Variants in DPP6 observed in about 807,000 individuals in gnomAD.
DPP6 encodes the protein A-type potassium channel modulatory protein DPP6.
A neutral mutation model predicts 122.6 loss-of-function variants in DPP6; 69 were observed. The observed-to-expected ratio is 0.56, with a 90% CI of 0.46 to 0.69. The LOEUF (loss-of-function observed/expected upper bound fraction) is 0.69. Ranked by LOEUF, DPP6 falls within the 30% of genes least tolerant of loss-of-function variation. The pLI, the probability that DPP6 is intolerant of heterozygous loss-of-function variation, is 0.00. For missense variants in DPP6, 928 were observed against 1,116.9 expected (o/e 0.83, Z 2.41); for synonymous variants, 418 against 433.1 (o/e 0.97, Z 0.43).
intron 7 of DPP6, among the ~76,000 whole-genome samples, chr7:154,698,639 C>T (rs1018872936): frequency 2.0e-5 from 3 of 152,104 alleles, no homozygotes; most frequent in African/African-American, 7.2e-5. Flanking sequence ...AATTGATTTT[C>T]TGTAAAGTAA....
intron 1 of DPP6, among the ~76,000 whole-genome samples, chr7:154,297,063 G>GTTTTTTTTTTTTTTTTTTTTTTTT (rs34506058): frequency 8.0e-6 from 1 of 125,260 alleles, no homozygotes; most frequent in Non-Finnish European, 1.6e-5. Context: ...AATGTATTCT[G>GTTTTTTTTTTTTTTTTTTTTTTTT]TTTTTTTTTT....
intron 1 of DPP6, among the ~76,000 whole-genome samples, chr7:153,947,882 C>G (rs1234339320): frequency 1.3e-5 from 2 of 152,158 alleles, no homozygotes; most frequent in East Asian, 3.8e-4. Flanking sequence ...GTCCTTCCTG[C>G]GCCTGACACT....
intron 1 of DPP6, among the ~76,000 whole-genome samples, chr7:154,197,145 G>A (rs747604599): frequency 1.2e-4 from 18 of 151,928 alleles, no homozygotes; most frequent in South Asian, 8.3e-4. Flanking sequence ...TGCCACCCAC[G>A]GCACAGCCTG....
intron 6 of DPP6, among the ~76,000 whole-genome samples, chr7:154,666,960 A>T (rs1162466359): frequency 6.6e-6 from 1 of 152,190 alleles, no homozygotes. Flanking sequence ...CAAGTCTGAG[A>T]GTGCCTGTTT....
rs867342577 is a variant in DPP6, at chr7:153,972,167, C to T, written c.51+84433C>T. Among the ~76,000 whole-genome samples the T allele has an allele frequency of 4.4e-3, 633 of 145,438 alleles. 1 individual carries two copies. Among genetic ancestry groups the T allele is most frequent in the South Asian group, 8.0e-3 (36 of 4,474 alleles). ...TGTGTCTCTGATTTCATGAAGGAAG[C>T]GTGCATGAGAGAAACTCCCAGAGGC... On this transcript the variant is annotated intron_variant, in intron 1 of 25. Coordinates refer to the DPP6 transcript ENST00000404039.
rs575625064 is a variant in DPP6, at chr7:153,947,913, TA to T, written c.51+60181del. 1.5e-3 allele frequency among the ~76,000 whole-genome samples: 232 copies of T among 152,312 alleles called. 1 individual carries two copies. Among genetic ancestry groups the T allele is most frequent in the African/African-American group, 5.0e-3 (209 of 41,572 alleles). ...ACACTGCTCACATTCTTCCAGCTTA[TA>T]ATATTCAGTATGCCAAGGTAGCATC... On this transcript the variant is annotated intron_variant, in intron 1 of 25. Coordinates refer to the DPP6 transcript ENST00000404039.
intron 3 of DPP6, among the ~76,000 whole-genome samples, chr7:154,518,008 G>C (rs1467712980): frequency 6.6e-6 from 1 of 152,062 alleles, no homozygotes; most frequent in Non-Finnish European, 1.5e-5. Context: ...TAACAGGACA[G>C]AACTCATTAC....
At chr7:154,530,801 C>G (rs1226129309) in intron 3 of DPP6, among the ~76,000 whole-genome samples, 3 of 152,136 alleles carry the variant, frequency 2.0e-5, no homozygotes, top group African/African-American at 7.2e-5. Flanking sequence ...CTATGGAATA[C>G]TATACTATGC....
At chr7:154,438,279 G>A (rs142300552) in intron 1 of DPP6, among the ~76,000 whole-genome samples, 1,543 of 151,896 alleles carry the variant, frequency 0.01, 36 homozygotes, top group East Asian at 0.075. Context: ...CATCCTGGCT[G>A]ACACGGTGAA....
At chr7:154,031,276 C>T (rs933320532) in intron 1 of DPP6, among the ~76,000 whole-genome samples, 8 of 149,624 alleles carry the variant, frequency 5.3e-5, no homozygotes, top group Middle Eastern at 3.4e-3. Context: ...GGGTCTTCCT[C>T]ATGCCAAGAG....
intron 7 of DPP6, among the ~76,000 whole-genome samples, chr7:154,677,935 C>G (rs1020203368): frequency 3.3e-5 from 5 of 152,310 alleles, no homozygotes; most frequent in African/African-American, 1.2e-4. Flanking sequence ...ACTTTTCTGT[C>G]TAGCTAAAGG....
At chr7:154,187,677 A>C (rs1330424715) in intron 1 of DPP6, among the ~76,000 whole-genome samples, 3 of 152,198 alleles carry the variant, frequency 2.0e-5, no homozygotes, top group Non-Finnish European at 4.4e-5. Context: ...GGATGTAAGA[A>C]ATCCTGGTTT....
chr7:154,425,503 C>G (rs1817804866), intron 1 of DPP6, among the ~76,000 whole-genome samples: 1 of 151,966 alleles, frequency 6.6e-6, no homozygotes, highest in African/African-American at 2.4e-5. Flanking sequence ...CTGGCTTTGT[C>G]CCTATGTGAG....
At chr7:153,829,266 T>G in the DPP6 span, among the ~76,000 whole-genome samples, 1 of 152,158 alleles carries the variant, frequency 6.6e-6, no homozygotes, top group Non-Finnish European at 1.5e-5. Flanking sequence ...TAGGCTGGAG[T>G]GCAGTGGTGC....
intron 16 of DPP6, among the ~76,000 whole-genome samples, chr7:154,827,226 T>G (rs956977363): frequency 6.6e-6 from 1 of 150,726 alleles, no homozygotes; most frequent in Non-Finnish European, 1.5e-5. Context: ...ACACACACAC[T>G]TGAAGACACC....
chr7:154,292,720 C>T (rs1805287725), intron 1 of DPP6, among the ~76,000 whole-genome samples: 1 of 152,162 alleles, frequency 6.6e-6, no homozygotes, highest in Non-Finnish European at 1.5e-5. Context: ...TGTCCACAGG[C>T]AGGCAGAGTC....
intron 7 of DPP6, among the ~76,000 whole-genome samples, chr7:154,670,105 C>A (rs963051584): frequency 6.6e-6 from 1 of 152,188 alleles, no homozygotes; most frequent in Admixed American, 6.5e-5. Context: ...GGCAATCCAC[C>A]CGCCTCAGCC....
chr7:154,649,078 C>T (rs1370683438), intron 6 of DPP6, among the ~76,000 whole-genome samples: 1 of 152,130 alleles, frequency 6.6e-6, no homozygotes, highest in Non-Finnish European at 1.5e-5. Flanking sequence ...GCTGCCATGC[C>T]ATCTATCCCA....
At chr7:154,508,812 G>A (rs1825850045) in intron 3 of DPP6, among the ~76,000 whole-genome samples, 1 of 152,162 alleles carries the variant, frequency 6.6e-6, no homozygotes. Context: ...TCTATGTTAT[G>A]GAGTAAAGTT....
Sources: allele counts gnomAD v4.1 joint callset (sites outside exome capture counted in the v4.1 genomes callset), GRCh38; gene constraint gnomAD v4.1.1; transcripts MANE v1.5; gene names NCBI Gene and HGNC (gene_info 2026-07-23, HGNC 2026-07-21).